The following NBDY variants were observed in gnomAD, a reference collection of about 807,000 sequenced individuals.
The protein encoded by NBDY is negative regulator of P-body association, also known as P-body dissociating protein.
intron 2 of NBDY, among the ~76,000 whole-genome samples, chrX:56,794,087 A>G (rs780945855): frequency 8.9e-6 from 1 of 112,332 alleles, no homozygotes; most frequent in Non-Finnish European, 1.9e-5. Flanking sequence ...ACTGGTCTGC[A>G]GGCTGCATGG....
chrX:56,811,447 C>T (rs890882394), intron 2 of NBDY, among the ~76,000 whole-genome samples: 1 of 111,960 alleles, frequency 8.9e-6, no homozygotes, highest in African/African-American at 3.2e-5. Context: ...TCAGAGATGC[C>T]CTGTGCAGAG....
intron 2 of NBDY, among the ~76,000 whole-genome samples, chrX:56,732,938 G>T (rs12690340): frequency 0.23 from 22,499 of 98,998 alleles, 2,100 homozygotes; most frequent in Middle Eastern, 0.55. Flanking sequence ...CCTCGTCATT[G>T]GATATTTGGT....
At position 56,781,231 on chromosome X, in the gene NBDY, C is replaced by A. The variant is rs139094806; in HGVS notation, c.*167-36089C>A. 3.5e-4 allele frequency among the ~76,000 whole-genome samples: 39 copies of A among 111,936 alleles called. No homozygotes were observed. In the East Asian group the frequency reaches 0.01, roughly 29 times the overall value. ...TTCTCCAGTAATGACAAGCTTCTGC[C>A]TAGACACCTTCATTCACAACTGTTT... On this transcript the variant is annotated intron_variant, in intron 2 of 2. Coordinates refer to ENST00000374922, the MANE Select transcript of NBDY (RefSeq NM_001348129.2).
At chrX:56,731,998 C>T (rs2069461550) in intron 1 of NBDY, 65 bp from the exon 2 acceptor site, 1 of 286,610 alleles carries the variant, frequency 3.5e-6, no homozygotes, top group Admixed American at 6.3e-5. Flanking sequence ...TTGAGGAGAC[C>T]AAGGGACAAA....
intron 2 of NBDY, among the ~76,000 whole-genome samples, chrX:56,744,830 A>T (rs2069548684): frequency 9.0e-6 from 1 of 111,545 alleles, no homozygotes; most frequent in Non-Finnish European, 1.9e-5. Context: ...TTTATAAGTT[A>T]GGCACAATAC....
chrX:56,757,698 C>T (rs1000671746), intron 2 of NBDY, among the ~76,000 whole-genome samples: 5 of 108,474 alleles, frequency 4.6e-5, no homozygotes, highest in African/African-American at 1.4e-4. Flanking sequence ...GAGAAGGGAA[C>T]GGGAGGGGAG....
chrX:56,799,047 C>G (rs951713898), intron 2 of NBDY, among the ~76,000 whole-genome samples: 2 of 111,931 alleles, frequency 1.8e-5, no homozygotes, highest in East Asian at 5.6e-4. Context: ...GAGGAACGCT[C>G]GGGAGTGCCA....
rs1226315618 is a variant in NBDY at position 56,818,939 on chromosome X, T to TAA, written c.*1787_*1788dup. 4.5e-5 allele frequency: 4 copies of TAA among 88,723 alleles called. No homozygotes were observed. Among genetic ancestry groups the TAA allele is most frequent in the African/African-American group, 1.7e-4 (4 of 24,026 alleles). 7.3% of individuals were successfully genotyped at this position (88,723 alleles called of 1,213,427 possible). The stretch of plus-strand genomic sequence containing the variant: ...GAAGGAGGCAAGACAAAAGGGGAAA[T>TAA]AACTATTTTCAATAAATGGTACTGG... On this transcript the variant is annotated 3_prime_UTR_variant, in exon 3 of 3. Transcript: ENST00000374922.
chrX:56,751,815 A>G (rs1449072579), intron 2 of NBDY, among the ~76,000 whole-genome samples: 1 of 112,249 alleles, frequency 8.9e-6, no homozygotes, highest in East Asian at 2.8e-4. Flanking sequence ...GGGGCTACAT[A>G]CGCAGGTTTA....
At chrX:56,783,542 G>A (rs1027381279) in intron 2 of NBDY, among the ~76,000 whole-genome samples, 2 of 112,440 alleles carry the variant, frequency 1.8e-5, no homozygotes, top group South Asian at 3.7e-4. Flanking sequence ...CTGTCTCGGG[G>A]CCTCTAGAGT....
At chrX:56,737,439 C>T (rs1483632448) in intron 2 of NBDY, 2 of 684,270 alleles carry the variant, frequency 2.9e-6, no homozygotes, top group African/African-American at 4.4e-5. Context: ...CTTCTTATGG[C>T]TTCTTTTATG....
intron 2 of NBDY, among the ~76,000 whole-genome samples, chrX:56,763,717 C>T (rs931505685): frequency 8.9e-6 from 1 of 112,804 alleles, no homozygotes; most frequent in Non-Finnish European, 1.9e-5. Context: ...AAACAGGATT[C>T]CCACAGGATC....
At chrX:56,743,896 CT>C (rs1011115169) in intron 2 of NBDY, among the ~76,000 whole-genome samples, 18 of 108,150 alleles carry the variant, frequency 1.7e-4, no homozygotes, top group Admixed American at 4.9e-4. Flanking sequence ...TTAAGTTTTA[CT>C]TTTTTTTTAT....
At chrX:56,734,242 C>G (rs896265549) in intron 2 of NBDY, among the ~76,000 whole-genome samples, 85 of 111,907 alleles carry the variant, frequency 7.6e-4, no homozygotes, top group African/African-American at 2.7e-3. Flanking sequence ...CAATCTGGAA[C>G]TAGGACCAGA....
chrX:56,762,163 C>G (rs753198384), intron 2 of NBDY, among the ~76,000 whole-genome samples: 1 of 111,643 alleles, frequency 9.0e-6, no homozygotes, highest in South Asian at 3.9e-4. Context: ...CGCATTGAGG[C>G]ACCCATGAAC....
At chrX:56,813,484 A>G (rs758547967) in intron 2 of NBDY, among the ~76,000 whole-genome samples, 20 of 111,104 alleles carry the variant, frequency 1.8e-4, no homozygotes, top group Non-Finnish European at 2.6e-4. Flanking sequence ...AGACACACCC[A>G]CACACGCACT....
rs193233802 is a variant in NBDY at position 56,812,568 on chromosome X, C to G, written c.*167-4752C>G. On this transcript the variant is annotated intron_variant, in intron 2 of 2. Transcript: ENST00000374922. Reference sequence around the variant, plus strand: ...GCAAGATTTTGCCTGTACCTTTGTTCTCTTTTGCTCCTGCAAGGCTACTTG... The same window carrying G: ...GCAAGATTTTGCCTGTACCTTTGTTGTCTTTTGCTCCTGCAAGGCTACTTG... 1.7e-3 allele frequency among the ~76,000 whole-genome samples: 194 copies of G among 110,957 alleles called. 1 individual carries two copies. Among genetic ancestry groups the G allele is most frequent in the African/African-American group, 6.0e-3 (184 of 30,473 alleles).
At chrX:56,811,070 A>T (rs1235898913) in intron 2 of NBDY, 2 of 112,524 alleles carry the variant, frequency 1.8e-5, no homozygotes, top group African/African-American at 6.5e-5. Context: ...TTGCCTGGGT[A>T]TCACTAGCGG....
rs2069462869 is a variant in NBDY, at chrX:56,732,203, ATCTC to A, written c.*166+6_*166+9del. ...CCTGGAAGTTGTGCTTTTTAAGGTA[ATCTC>A]TTTACCAAAAATTATTAAGAGGAGG... is the stretch of plus-strand genomic sequence containing the variant. On this transcript the variant is annotated splice_donor_5th_base_variant and intron_variant, in intron 2 of 2. Transcript: ENST00000374922. 1 of 293,928 alleles carries A rather than the reference ATCTC, an allele frequency of 3.4e-6. No individual in the cohort carries two copies. Among genetic ancestry groups the A allele is most frequent in the Non-Finnish European group, 5.9e-6 (1 of 169,086 alleles). The allele number at this position is 293,928 out of a possible 1,213,427, so 24.2% of individuals were successfully genotyped here. A position where few individuals can be genotyped will look rare whatever the true frequency, so the allele number is the denominator to read the frequency against.
Sources: allele counts gnomAD v4.1 joint callset (sites outside exome capture counted in the v4.1 genomes callset), GRCh38; gene constraint gnomAD v4.1.1; transcripts MANE v1.5; gene names NCBI Gene and HGNC (gene_info 2026-07-23, HGNC 2026-07-21).